Variants in NTM observed in about 807,000 individuals in gnomAD.
NTM encodes the protein neurotrimin.
A neutral mutation model predicts 42.1 loss-of-function variants in NTM; 13 were observed. The observed-to-expected ratio is 0.31, with a 90% confidence interval of 0.20 to 0.49. The LOEUF is 0.49. NTM is among the 20% of genes least tolerant of loss of function. The probability of loss-of-function intolerance (pLI) is 0.99; values close to 1 mark genes in which losing one functional copy is unlikely to be tolerated. For synonymous variants in NTM, 187 were observed against 179.2 expected (o/e 1.04, Z -0.35); for missense variants, 373 against 452.8 (o/e 0.82, Z 1.60).
intron 1 of NTM, among the ~76,000 whole-genome samples, chr11:131,845,327 G>A (rs2059547920): frequency 6.6e-6 from 1 of 152,080 alleles, no homozygotes; most frequent in Admixed American, 6.5e-5. Context: ...AATGGAGGTT[G>A]GGGGAGCTTG....
chr11:132,108,360 G>A (rs1591560704), intron 2 of NTM, among the ~76,000 whole-genome samples: 2 of 152,280 alleles, frequency 1.3e-5, no homozygotes, highest in South Asian at 2.1e-4. Context: ...TATTTTTAAG[G>A]AATGAAATAG....
At chr11:131,715,032 TTG>T (rs990579667) in intron 1 of NTM, among the ~76,000 whole-genome samples, 4 of 152,192 alleles carry the variant, frequency 2.6e-5, no homozygotes, top group Non-Finnish European at 5.9e-5. Context: ...GTGCCTGAAA[TTG>T]TGCTTGGTGC....
chr11:131,583,753 G>C (rs2058618809), intron 1 of NTM, among the ~76,000 whole-genome samples: 1 of 152,156 alleles, frequency 6.6e-6, no homozygotes, highest in South Asian at 2.1e-4. Flanking sequence ...CCTGCGAATG[G>C]ACTAGCAATA....
chr11:131,719,434 T>TA (rs962859982), intron 1 of NTM, among the ~76,000 whole-genome samples: 2 of 152,146 alleles, frequency 1.3e-5, no homozygotes, highest in African/African-American at 4.8e-5. Flanking sequence ...ATAGCGCTTC[T>TA]AAAAAATGCA....
intron 1 of NTM, among the ~76,000 whole-genome samples, chr11:131,854,087 A>T (rs2045868944): frequency 2.0e-5 from 3 of 152,172 alleles, no homozygotes; most frequent in African/African-American, 7.2e-5. Flanking sequence ...TCTACTTACT[A>T]CCCTCACAAA....
At chr11:132,091,180 A>G (rs2060332625) in intron 2 of NTM, among the ~76,000 whole-genome samples, 1 of 152,166 alleles carries the variant, frequency 6.6e-6, no homozygotes, top group African/African-American at 2.4e-5. Context: ...GCTTGAGCCT[A>G]GGAGCTCGAA....
At chr11:131,979,231 ATCCT>A (rs2064875755) in intron 2 of NTM, among the ~76,000 whole-genome samples, 1 of 152,224 alleles carries the variant, frequency 6.6e-6, no homozygotes, top group African/African-American at 2.4e-5. Flanking sequence ...CTCTAGTATA[ATCCT>A]TCCTTCAGTG....
chr11:131,890,342 T>G (rs1209862361), intron 1 of NTM, among the ~76,000 whole-genome samples: 2 of 152,140 alleles, frequency 1.3e-5, no homozygotes, highest in Non-Finnish European at 2.9e-5. Context: ...TGAGGTTCCT[T>G]AAATGTGAAG....
chr11:131,862,027 A>G (rs1174149844), intron 1 of NTM, among the ~76,000 whole-genome samples: 1 of 152,092 alleles, frequency 6.6e-6, no homozygotes, highest in African/African-American at 2.4e-5. Flanking sequence ...GGTCTCAAGG[A>G]CCACAGTTCA....
At chr11:131,522,151 G>T (rs1402617505) in intron 1 of NTM, among the ~76,000 whole-genome samples, 1 of 152,058 alleles carries the variant, frequency 6.6e-6, no homozygotes, top group Non-Finnish European at 1.5e-5. Context: ...TACTGCTTGG[G>T]TCATCCGGGA....
intron 2 of NTM, among the ~76,000 whole-genome samples, chr11:131,929,463 A>AAT (rs1402883165): frequency 2.0e-4 from 27 of 133,434 alleles, no homozygotes; most frequent in Non-Finnish European, 4.1e-4. Flanking sequence ...TTTTTTTTTA[A>AAT]TTTTTTATTT....
chr11:131,780,161 A>G (rs1266298411), intron 1 of NTM, among the ~76,000 whole-genome samples: 1 of 152,182 alleles, frequency 6.6e-6, no homozygotes, highest in Non-Finnish European at 1.5e-5. Context: ...TAGAAATAGC[A>G]GGAATAAGGA....
intron 3 of NTM, among the ~76,000 whole-genome samples, chr11:132,157,194 A>G (rs1177281562): frequency 1.3e-5 from 2 of 152,344 alleles, no homozygotes; most frequent in African/African-American, 2.4e-5. Flanking sequence ...GAAAAAGGAA[A>G]CAAATACACT....
At chr11:131,660,216 G>A (rs1448472834) in intron 1 of NTM, 5 of 305,086 alleles carry the variant, frequency 1.6e-5, no homozygotes, top group South Asian at 1.2e-4. Context: ...CATGTATTGA[G>A]GCAGGGGACT....
intron 7 of NTM, among the ~76,000 whole-genome samples, chr11:132,325,406 A>T (rs999047347): frequency 4.4e-4 from 67 of 152,270 alleles, no homozygotes; most frequent in Non-Finnish European, 8.4e-4. Flanking sequence ...GCCAAAAAAC[A>T]CATGAATAAA....
At chr11:131,729,166 G>A (rs913577701) in intron 1 of NTM, among the ~76,000 whole-genome samples, 1 of 152,082 alleles carries the variant, frequency 6.6e-6, no homozygotes, top group East Asian at 1.9e-4. Flanking sequence ...CTGCTCAAAG[G>A]GATTGCCAAT....
chr11:132,187,613 C>A (rs2078637452), intron 3 of NTM, among the ~76,000 whole-genome samples: 1 of 152,136 alleles, frequency 6.6e-6, no homozygotes, highest in African/African-American at 2.4e-5. Flanking sequence ...CTGCTGGTGA[C>A]CTCCAGAAGG....
chr11:132,273,968 G>C (rs995441827), intron 4 of NTM, among the ~76,000 whole-genome samples: 2 of 152,118 alleles, frequency 1.3e-5, no homozygotes, highest in Admixed American at 6.5e-5. Context: ...TCAGTAGTTT[G>C]TATCTATATG....
intron 2 of NTM, among the ~76,000 whole-genome samples, chr11:132,116,873 G>C (rs1178893234): frequency 6.6e-6 from 1 of 152,164 alleles, no homozygotes; most frequent in Non-Finnish European, 1.5e-5. Context: ...AATAATATGA[G>C]TGAATGAAAT....
Sources: allele counts gnomAD v4.1 joint callset (sites outside exome capture counted in the v4.1 genomes callset), GRCh38; gene constraint gnomAD v4.1.1; transcripts MANE v1.5; gene names NCBI Gene and HGNC (gene_info 2026-07-23, HGNC 2026-07-21).